DENND5B: variants seen among roughly 807,000 people sequenced by gnomAD.
DENND5B encodes the protein DENN domain containing 5B.
Under a neutral mutation model 140.6 loss-of-function variants are expected in DENND5B, and 34 were observed. The ratio of observed to expected loss-of-function variants is 0.24; its 90% CI spans 0.18 to 0.32. The LOEUF (loss-of-function observed/expected upper bound fraction) is 0.32. Among genes scored for constraint, DENND5B ranks in the 10% least tolerant of loss-of-function variants. The probability of loss-of-function intolerance (pLI) is 1.00; values close to 1 mark genes in which losing one functional copy is unlikely to be tolerated. For missense variants in DENND5B, 1,142 were observed against 1,560.2 expected, an observed-to-expected ratio of 0.73 and a Z score of 4.52; for synonymous variants, 551 against 562.1, an observed-to-expected ratio of 0.98 and a Z score of 0.28.
At chr12:31,513,401 A>AC (rs1354340652) in intron 1 of DENND5B, among the ~76,000 whole-genome samples, 1 of 152,098 alleles carries the variant, frequency 6.6e-6, no homozygotes, top group Non-Finnish European at 1.5e-5. Context: ...GTTATACTTC[A>AC]CCTCTTGAGG....
intron 2 of DENND5B, 91 bp from the exon 3 acceptor site, chr12:31,480,346 C>A: frequency 1.6e-6 from 2 of 1,244,586 alleles, no homozygotes; most frequent in Non-Finnish European, 1.1e-6. Flanking sequence ...TAACAGGATT[C>A]AAAAAGACAG....
chr12:31,503,781 A>AT (rs1395507110), intron 1 of DENND5B, among the ~76,000 whole-genome samples: 1 of 152,140 alleles, frequency 6.6e-6, no homozygotes, highest in Non-Finnish European at 1.5e-5. Context: ...GAGGTTTATC[A>AT]TGTTTGATTT....
chr12:31,433,057 A>T, intron 8 of DENND5B, 98 bp downstream of exon 8: 227 of 947,384 alleles, frequency 2.4e-4, no homozygotes, highest in Non-Finnish European at 2.7e-4. Flanking sequence ...TTTTTTTTTT[A>T]AAGAACATTA....
chr12:31,387,657 A>C lies in DENND5B; in HGVS notation c.3771T>G (p.Ile1257Met), dbSNP rs767413612. The change falls in exon 21 of 21, where the codon ATT (isoleucine) becomes ATG (methionine). Residue 1257 changes from isoleucine to methionine, a missense_variant. By Grantham distance (10) the Ile-to-Met change is conservative (BLOSUM62 1). This residue lies in a region of DENND5B where 125 missense variants were observed against 179.0 expected (regional missense o/e 0.70). Transcript: ENST00000389082. ...CTTCTAGGACTATGGTGAAGTCCTG[A>C]ATGGTCTGCAGAATTCGGATAAGGG... ...VNSLIRILQT[I>M]QDFTIVLEGS... The C allele has an allele frequency of 1.2e-6, 2 of 1,614,032 alleles. No individual in the cohort carries two copies. The highest frequency in any genetic ancestry group is 4.5e-5 in the East Asian group (2 of 44,888).
chr12:31,520,461 A>G (rs1355796919), intron 1 of DENND5B, among the ~76,000 whole-genome samples: 2 of 152,240 alleles, frequency 1.3e-5, no homozygotes, highest in Admixed American at 6.5e-5. Context: ...AGATAATGGA[A>G]CTGAAATAAA....
chr12:31,452,573 C>T, intron 4 of DENND5B, 97 bp from the exon 5 acceptor site: 2 of 1,341,436 alleles, frequency 1.5e-6, no homozygotes, highest in Middle Eastern at 2.5e-4. Context: ...CACATAATCC[C>T]AGCACTTTGG....
At chr12:31,505,897 C>T (rs926141828) in intron 1 of DENND5B, among the ~76,000 whole-genome samples, 6 of 152,172 alleles carry the variant, frequency 3.9e-5, no homozygotes, top group South Asian at 2.1e-4. Flanking sequence ...TTCAGTGGCA[C>T]GATCATGGCT....
At chr12:31,525,237 C>A (rs1427482516) in intron 1 of DENND5B, among the ~76,000 whole-genome samples, 2 of 152,176 alleles carry the variant, frequency 1.3e-5, no homozygotes, top group Admixed American at 1.3e-4. Flanking sequence ...ATGCAAAAAT[C>A]TGAATGTTCA....
chr12:31,560,691 C>T (rs1949443892), intron 1 of DENND5B, among the ~76,000 whole-genome samples: 1 of 152,180 alleles, frequency 6.6e-6, no homozygotes, highest in South Asian at 2.1e-4. Context: ...CAACATAAGG[C>T]CCTTCATGAT....
intron 3 of DENND5B, among the ~76,000 whole-genome samples, chr12:31,474,683 CAGTG>C (rs1945711194): frequency 1.3e-5 from 2 of 152,148 alleles, no homozygotes; most frequent in South Asian, 2.1e-4. Flanking sequence ...ATAGCTTTAT[CAGTG>C]AGTAAGAAAT....
In DENND5B at chr12:31,563,082, G is replaced by A. The variant is rs74755106; in HGVS notation, c.127+27624C>T. On this transcript the variant is annotated intron_variant, in intron 1 of 20. Transcript: ENST00000389082. ...TTTTTGTTTAAAAGGTGGCAAATGA[G>A]TTCTACTGACCATCAAAGTCAGCTA... is the stretch of plus-strand genomic sequence containing the variant. Among the ~76,000 whole-genome samples the A allele has an allele frequency of 8.1e-3, 1,239 of 152,250 alleles. 12 individuals carry two copies. Among genetic ancestry groups the A allele is most frequent in the African/African-American group, 0.029 (1,192 of 41,558 alleles).
intron 1 of DENND5B, among the ~76,000 whole-genome samples, chr12:31,524,702 C>T (rs182980608): frequency 3.2e-4 from 42 of 132,722 alleles, no homozygotes; most frequent in African/African-American, 1.2e-3. Context: ...AAAATAAAAA[C>T]CAAAAACAAA....
intron 1 of DENND5B, among the ~76,000 whole-genome samples, chr12:31,574,838 T>C (rs1949956930): frequency 6.6e-6 from 1 of 152,198 alleles, no homozygotes; most frequent in South Asian, 2.1e-4. Flanking sequence ...AGCTTTCACA[T>C]ATTTAATTAA....
chr12:31,397,752 G>A (rs1941563630), intron 17 of DENND5B, among the ~76,000 whole-genome samples: 1 of 151,792 alleles, frequency 6.6e-6, no homozygotes, highest in Non-Finnish European at 1.5e-5. Flanking sequence ...ATGGCGAAAG[G>A]CAGTCTATAA....
intron 17 of DENND5B, chr12:31,396,598 A>T (rs1223255602): frequency 2.6e-5 from 4 of 152,446 alleles, no homozygotes; most frequent in Non-Finnish European, 4.4e-5. Flanking sequence ...TGTTTTAAAT[A>T]AAACTATTTA....
chr12:31,437,677 T>C (rs188649556), intron 7 of DENND5B, among the ~76,000 whole-genome samples: 39 of 152,166 alleles, frequency 2.6e-4, no homozygotes, highest in African/African-American at 8.9e-4. Flanking sequence ...CAACCAACAG[T>C]AGAATCAAGA....
At chr12:31,455,892 G>A (rs1338465687) in intron 4 of DENND5B, among the ~76,000 whole-genome samples, 3 of 152,048 alleles carry the variant, frequency 2.0e-5, no homozygotes, top group South Asian at 4.1e-4. Flanking sequence ...AGTGGCAGGC[G>A]CCTGTAATCC....
intron 17 of DENND5B, 48 bp downstream of exon 17, chr12:31,398,127 T>C (rs551875968): frequency 2.1e-5 from 32 of 1,507,260 alleles, no homozygotes; most frequent in Middle Eastern, 4.0e-4. Context: ...AATGGTCACA[T>C]GAAGCCTACA....
intron 1 of DENND5B, 120 bp downstream of exon 1, chr12:31,590,586 G>C: frequency 8.4e-7 from 1 of 1,194,214 alleles, no homozygotes; most frequent in Non-Finnish European, 1.1e-6. Context: ...GCCAGAAAGC[G>C]GCGGGAGGGC....
Sources: gnomAD v4.1 joint callset for allele counts (sites outside exome capture counted in the v4.1 genomes callset) on GRCh38, gnomAD v4.1.1 for gene constraint, gnomAD v4.1.1 regional missense constraint, MANE v1.5 for transcripts, NCBI Gene and HGNC (gene_info 2026-07-23, HGNC 2026-07-21) for gene names.